ALOX5AP: variants seen among roughly 807,000 people sequenced by gnomAD.
ALOX5AP encodes the protein arachidonate 5-lipoxygenase activating protein.
ALOX5AP carries 9 observed loss-of-function variants against 18.5 expected under a neutral mutation model. That is an observed-to-expected ratio of 0.49 (90% CI 0.29 to 0.85). The LOEUF (loss-of-function observed/expected upper bound fraction) is 0.85, where lower values mean the gene tolerates loss of function less well. Among genes scored for constraint, ALOX5AP ranks in the 40% least tolerant of loss-of-function variants. The pLI, the probability that ALOX5AP is intolerant of heterozygous loss-of-function variation, is 0.08. For missense variants in ALOX5AP, 172 were observed against 202.5 expected, an observed-to-expected ratio of 0.85 and a Z score of 0.91; for synonymous variants, 81 against 78.6, an observed-to-expected ratio of 1.03 and a Z score of -0.16.
intron 1 of ALOX5AP, among the ~76,000 whole-genome samples, chr13:30,736,564 T>A (rs547780770): frequency 1.8e-4 from 27 of 152,340 alleles, no homozygotes; most frequent in African/African-American, 6.3e-4. Flanking sequence ...TACTGAACAT[T>A]GACATGCTGT....
rs575073594 is a variant in ALOX5AP at position 30,722,603 on chromosome 13, C to T, written c.116+8762C>T. Among the ~76,000 whole-genome samples the T allele has an allele frequency of 3.3e-5, 5 of 152,328 alleles. No homozygotes were observed. The South Asian group carries it at 1.0e-3, about 32-fold the overall frequency. ...AACAGTCCTCCTGCCCAGATGTCAT[C>T]TGATCCTCTTTAGGATCTGGGCCCA... On this transcript the variant is annotated intron_variant, in intron 1 of 5. Transcript: ENST00000617770.
chr13:30,756,130 A>C lies in ALOX5AP; in HGVS notation c.323+105A>C. 4 of 1,109,766 alleles carry C rather than the reference A, an allele frequency of 3.6e-6. No homozygotes were observed. In the Admixed American group the frequency reaches 7.8e-5, roughly 22 times the overall value. 68.7% of individuals were successfully genotyped at this position (1,109,766 alleles called of 1,614,324 possible). On this transcript the variant is annotated intron_variant, in intron 4 of 4. Transcript: ENST00000380490. ...TTGACTAGATTCACGGCTCCGTAGC[A>C]TCCCCTTGGGTGGGAGGGGGAAGGC...
chr13:30,733,158 CA>C (rs34069656), upstream of ALOX5AP, among the ~76,000 whole-genome samples: 27,139 of 81,936 alleles, frequency 0.33, 3,022 homozygotes, highest in African/African-American at 0.46. Flanking sequence ...GACTCCGTCT[CA>C]AAAAAAAAAA....
rs17239200 is a variant in ALOX5AP at position 30,754,967 on chromosome 13, G to A, written c.242-977G>A. Among the ~76,000 whole-genome samples, 993 of 152,356 alleles carry A rather than the reference G, an allele frequency of 6.5e-3. 9 individuals are homozygous for A. Among genetic ancestry groups the A allele is most frequent in the African/African-American group, 0.022 (932 of 41,582 alleles). On this transcript the variant is annotated intron_variant, in intron 3 of 4. Transcript: ENST00000380490. The stretch of plus-strand genomic sequence containing the variant: ...AAAGTATTCCCTCAATGGCGGAAGT[G>A]TTTAAATTGCTTTTATATCTGTAGC...
chr13:30,727,878 C>T (rs559846909), intron 1 of ALOX5AP, among the ~76,000 whole-genome samples: 3 of 152,196 alleles, frequency 2.0e-5, no homozygotes, highest in Admixed American at 6.5e-5. Context: ...ACACTTCATG[C>T]CTTTCTTTCC....
At chr13:30,741,324 A>G (rs1447929192) in intron 1 of ALOX5AP, among the ~76,000 whole-genome samples, 2 of 147,968 alleles carry the variant, frequency 1.4e-5, no homozygotes, top group Non-Finnish European at 3.0e-5. Flanking sequence ...GTTAGCCAGG[A>G]TGGTCTCGAC....
intron 1 of ALOX5AP, among the ~76,000 whole-genome samples, chr13:30,740,147 C>T (rs1248881084): frequency 6.6e-6 from 1 of 152,182 alleles, no homozygotes. Flanking sequence ...GTCTTCTGTA[C>T]AGGGAAGCTG....
At chr13:30,718,173 G>T (rs192551630) in intron 1 of ALOX5AP, among the ~76,000 whole-genome samples, 2 of 151,590 alleles carry the variant, frequency 1.3e-5, no homozygotes, top group Non-Finnish European at 2.9e-5. Flanking sequence ...TGGTCAGGCT[G>T]GTCTCAAACT....
intron 2 of ALOX5AP, among the ~76,000 whole-genome samples, chr13:30,745,361 G>A (rs1358426360): frequency 6.6e-6 from 1 of 152,204 alleles, no homozygotes; most frequent in East Asian, 1.9e-4. Context: ...TAGTACGGTA[G>A]TCACAGGTTG....
intron 1 of ALOX5AP, among the ~76,000 whole-genome samples, 156 bp from the exon 2 acceptor site, chr13:30,743,904 C>T (rs1268538337): frequency 1.3e-5 from 2 of 152,136 alleles, no homozygotes; most frequent in Non-Finnish European, 2.9e-5. Flanking sequence ...AGAGCAGCTG[C>T]TGAGTACGTT....
At chr13:30,750,796 CA>C in intron 2 of ALOX5AP, among the ~76,000 whole-genome samples, 2 of 152,210 alleles carry the variant, frequency 1.3e-5, no homozygotes, top group South Asian at 4.2e-4. Flanking sequence ...GATGTAACCA[CA>C]AGGGTCTTTT....
In ALOX5AP at chr13:30,764,227, C is replaced by T. The variant is rs1951971255; in HGVS notation, c.*121C>T. ...GCTGTAAATCTATTGGCCATCTGGG[C>T]TTCACAGCTTGAGTTAACCTTGCTT... On this transcript the variant is annotated 3_prime_UTR_variant, in exon 5 of 5. Coordinates refer to ENST00000380490, the MANE Select transcript of ALOX5AP (RefSeq NM_001629.4). The T allele has an allele frequency of 8.9e-7, 1 of 1,128,906 alleles. No homozygotes were observed. Among genetic ancestry groups the T allele is most frequent in the African/African-American group, 1.6e-5 (1 of 63,168 alleles). The allele number at this position is 1,128,906 out of a possible 1,614,324, so 69.9% of individuals were successfully genotyped here. A position where few individuals can be genotyped will look rare whatever the true frequency, so the allele number is the denominator to read the frequency against.
chr13:30,760,867 T>C (rs1338132927), intron 4 of ALOX5AP, among the ~76,000 whole-genome samples: 2 of 152,174 alleles, frequency 1.3e-5, no homozygotes, highest in African/African-American at 4.8e-5. Flanking sequence ...GTACCAACTT[T>C]TAGAAACAAT....
At chr13:30,727,750 G>A (rs1038630039) in intron 1 of ALOX5AP, among the ~76,000 whole-genome samples, 10 of 152,182 alleles carry the variant, frequency 6.6e-5, no homozygotes, top group African/African-American at 2.4e-4. Context: ...AAGCCCCAGT[G>A]TTGAAGTTGG....
At chr13:30,735,839 T>G (rs1032729055) in intron 1 of ALOX5AP, among the ~76,000 whole-genome samples, 164 bp downstream of exon 1, 1 of 152,256 alleles carries the variant, frequency 6.6e-6, no homozygotes, top group African/African-American at 2.4e-5. Context: ...GTTGTGTGTA[T>G]TTCTGTGTAA....
intron 1 of ALOX5AP, among the ~76,000 whole-genome samples, chr13:30,741,607 C>T (rs1341648957): frequency 1.4e-5 from 2 of 142,298 alleles, no homozygotes; most frequent in African/African-American, 2.6e-5. Flanking sequence ...TGGGGTGTCA[C>T]CACGTTGGCC....
At chr13:30,728,660 G>A (rs1388797206) in intron 1 of ALOX5AP, among the ~76,000 whole-genome samples, 1 of 152,126 alleles carries the variant, frequency 6.6e-6, no homozygotes, top group African/African-American at 2.4e-5. Context: ...CAAACAGCCT[G>A]GGTAACAGTG....
At chr13:30,717,175 C>G (rs1453220769) in intron 1 of ALOX5AP, among the ~76,000 whole-genome samples, 1 of 152,220 alleles carries the variant, frequency 6.6e-6, no homozygotes, top group East Asian at 1.9e-4. Flanking sequence ...GCAGGACGTT[C>G]CAAAGCCTTA....
chr13:30,739,161 G>A (rs938705513), intron 1 of ALOX5AP, among the ~76,000 whole-genome samples: 3 of 151,966 alleles, frequency 2.0e-5, no homozygotes, highest in Non-Finnish European at 2.9e-5. Context: ...TTCCAAGCTT[G>A]CCTTTCCTAT....
Sources: gnomAD v4.1 joint callset for allele counts (sites outside exome capture counted in the v4.1 genomes callset) on GRCh38, gnomAD v4.1.1 for gene constraint, MANE v1.5 for transcripts, NCBI Gene and HGNC (gene_info 2026-07-23, HGNC 2026-07-21) for gene names.